PAPPA2: variants seen among roughly 807,000 people sequenced by gnomAD.
PAPPA2 encodes the protein pappalysin-2.
In PAPPA2, 86 loss-of-function variants were observed where a neutral mutation model predicts 176.4. The ratio of observed to expected loss-of-function variants is 0.49; its 90% CI spans 0.41 to 0.58. The LOEUF is 0.58. Among genes scored for constraint, PAPPA2 ranks in the 20% least tolerant of loss-of-function variants. The probability of loss-of-function intolerance (pLI) is 0.00; values close to 1 mark genes in which losing one functional copy is unlikely to be tolerated. For synonymous variants in PAPPA2, 809 were observed against 852.2 expected, an observed-to-expected ratio of 0.95 and a Z score of 0.88; for missense variants, 2,073 against 2,256.9, an observed-to-expected ratio of 0.92 and a Z score of 1.65.
At chr1:176,700,705 A>G (rs978987109) in intron 8 of PAPPA2, among the ~76,000 whole-genome samples, 2 of 152,240 alleles carry the variant, frequency 1.3e-5, no homozygotes, top group Non-Finnish European at 2.9e-5. Flanking sequence ...CACTAGCCAA[A>G]GCAAGTCACA....
At chr1:176,758,243 C>G in intron 14 of PAPPA2, among the ~76,000 whole-genome samples, 1 of 152,170 alleles carries the variant, frequency 6.6e-6, no homozygotes, top group East Asian at 1.9e-4. Flanking sequence ...CTCAACACCT[C>G]AAAGTACCAG....
chr1:176,799,898 C>T (rs1157984714), intron 20 of PAPPA2, among the ~76,000 whole-genome samples, 163 bp from the exon 21 acceptor site: 6 of 152,232 alleles, frequency 3.9e-5, no homozygotes, highest in East Asian at 3.9e-4. Context: ...GCAGTGTGCA[C>T]GGGAAAGGCT....
chr1:176,751,232 T>A (rs980570179), intron 14 of PAPPA2, among the ~76,000 whole-genome samples: 1 of 152,082 alleles, frequency 6.6e-6, no homozygotes, highest in Admixed American at 6.6e-5. Context: ...CATGCTGTTT[T>A]GGTTACTGTA....
At chr1:176,609,644 T>G (rs144806894) in intron 3 of PAPPA2, among the ~76,000 whole-genome samples, 7 of 151,306 alleles carry the variant, frequency 4.6e-5, no homozygotes, top group Non-Finnish European at 5.9e-5. Context: ...AGGCAGAGAG[T>G]AGTTGGAGAA....
intron 3 of PAPPA2, among the ~76,000 whole-genome samples, chr1:176,598,322 T>A (rs1389799777): frequency 6.6e-6 from 1 of 152,178 alleles, no homozygotes; most frequent in African/African-American, 2.4e-5. Flanking sequence ...TTATATTGCT[T>A]GGTTCATCAA....
At chr1:176,619,096 A>G (rs887867010) in intron 3 of PAPPA2, among the ~76,000 whole-genome samples, 2 of 152,200 alleles carry the variant, frequency 1.3e-5, no homozygotes, top group African/African-American at 4.8e-5. Flanking sequence ...AAACCAGGAC[A>G]TACTTCATAC....
At chr1:176,693,484 T>C (rs1362051712) in intron 6 of PAPPA2, among the ~76,000 whole-genome samples, 2 of 152,226 alleles carry the variant, frequency 1.3e-5, no homozygotes, top group Non-Finnish European at 2.9e-5. Context: ...ACTTTCCCTC[T>C]GGGTGTCAGG....
intron 1 of PAPPA2, among the ~76,000 whole-genome samples, chr1:176,492,459 T>A (rs1275217249): frequency 1.3e-5 from 2 of 152,240 alleles, no homozygotes; most frequent in Admixed American, 6.5e-5. Flanking sequence ...GAGCTAAATT[T>A]GGATCCCAGT....
chr1:176,614,073 C>T (rs1489179054), intron 3 of PAPPA2, among the ~76,000 whole-genome samples: 1 of 152,164 alleles, frequency 6.6e-6, no homozygotes, highest in African/African-American at 2.4e-5. Context: ...AAAGCCATAT[C>T]CTTTTTCTAG....
intron 1 of PAPPA2, among the ~76,000 whole-genome samples, chr1:176,483,473 T>G (rs1199660740): frequency 7.6e-6 from 1 of 130,892 alleles, no homozygotes; most frequent in Non-Finnish European, 1.6e-5. Flanking sequence ...TTTTTTTTTT[T>G]TTTTTTTTTT....
At chr1:176,663,498 A>G (rs1395338691) in intron 3 of PAPPA2, among the ~76,000 whole-genome samples, 1 of 152,134 alleles carries the variant, frequency 6.6e-6, no homozygotes, top group Non-Finnish European at 1.5e-5. Flanking sequence ...TTGAATGTTT[A>G]TGTGTGACAC....
chr1:176,803,224 T>G (rs1325597), intron 21 of PAPPA2, among the ~76,000 whole-genome samples: 118,911 of 152,102 alleles, frequency 0.78, 47,022 homozygotes, highest in African/African-American at 0.91. Context: ...GGGAACTGGG[T>G]CAACAAAGCT....
chr1:176,653,812 T>G (rs773494178), intron 3 of PAPPA2, among the ~76,000 whole-genome samples: 7 of 151,718 alleles, frequency 4.6e-5, no homozygotes, highest in Non-Finnish European at 1.0e-4. Flanking sequence ...AACCTTCTGC[T>G]TCTTTCTACT....
At chr1:176,649,468 G>A (rs1219712704) in intron 3 of PAPPA2, among the ~76,000 whole-genome samples, 1 of 150,190 alleles carries the variant, frequency 6.7e-6, no homozygotes, top group Non-Finnish European at 1.5e-5. Flanking sequence ...TTGAGGTTTG[G>A]TTTGTTCTTG....
intron 1 of PAPPA2, among the ~76,000 whole-genome samples, chr1:176,496,579 G>A (rs1647641409): frequency 6.6e-6 from 1 of 152,122 alleles, no homozygotes; most frequent in African/African-American, 2.4e-5. Flanking sequence ...TTTGGTGTCA[G>A]TTGGAAGTTC....
At chr1:176,631,464 G>A (rs1573160238) in intron 3 of PAPPA2, among the ~76,000 whole-genome samples, 2 of 152,262 alleles carry the variant, frequency 1.3e-5, no homozygotes, top group Admixed American at 1.3e-4. Flanking sequence ...ATTGACTGTG[G>A]AGATGATTGC....
chr1:176,481,897 A>G (rs1652420524), intron 1 of PAPPA2, among the ~76,000 whole-genome samples: 1 of 151,604 alleles, frequency 6.6e-6, no homozygotes, highest in Admixed American at 6.6e-5. Context: ...TTTTTAGTAG[A>G]GATCTGGTTT....
Position 176,741,644 on chromosome 1 carries a change from ATAG to A in PAPPA2, c.4151+1453_4151+1455del, listed in dbSNP as rs1162415892. ...GGGCATGAATCTCTGGGGGCCAGTA[ATAG>A]TAGTTTATGTTAACTGAGCATTAAC... On this transcript the variant is annotated intron_variant, in intron 14 of 22. Coordinates refer to ENST00000367662, the MANE Select transcript of PAPPA2 (RefSeq NM_020318.3). Among the ~76,000 whole-genome samples the A allele has an allele frequency of 4.6e-5, 7 of 152,316 alleles. No homozygotes were observed. The East Asian group carries it at 1.4e-3, about 29-fold the overall frequency.
intron 2 of PAPPA2, among the ~76,000 whole-genome samples, chr1:176,572,805 A>T (rs1652427474): frequency 6.6e-6 from 1 of 152,192 alleles, no homozygotes. Context: ...CTGAGAGGTC[A>T]TGTTCATTGC....
Sources: allele counts gnomAD v4.1 joint callset (sites outside exome capture counted in the v4.1 genomes callset), GRCh38; gene constraint gnomAD v4.1.1; transcripts MANE v1.5; gene names NCBI Gene and HGNC (gene_info 2026-07-23, HGNC 2026-07-21).